ATP1A2: variants seen among roughly 807,000 people sequenced by gnomAD.
ATP1A2 encodes the protein sodium/potassium-transporting ATPase subunit alpha-2.
In ATP1A2, 56 loss-of-function variants were observed where a neutral mutation model predicts 113.1. The ratio of observed to expected loss-of-function variants is 0.49; its 90% CI spans 0.40 to 0.62. The LOEUF (loss-of-function observed/expected upper bound fraction) is 0.62. Among genes scored for constraint, ATP1A2 ranks in the 20% least tolerant of loss-of-function variants. The probability of loss-of-function intolerance (pLI) is 0.00; values close to 1 mark genes in which losing one functional copy is unlikely to be tolerated. For synonymous variants in ATP1A2, 490 were observed against 526.8 expected (o/e 0.93, Z 0.96); for missense variants, 712 against 1,357.8 (o/e 0.52, Z 7.47).
intron 13 of ATP1A2, 56 bp downstream of exon 13, chr1:160,130,653 G>C: frequency 1.9e-6 from 3 of 1,611,396 alleles, no homozygotes; most frequent in Non-Finnish European, 2.5e-6. Flanking sequence ...AGAGTTCAAG[G>C]AGCTGCAGTG....
chr1:160,137,418 T>A lies in ATP1A2; in HGVS notation c.2840+387T>A, dbSNP rs544213674. On this transcript the variant is annotated intron_variant, in intron 20 of 22. Coordinates refer to ENST00000361216, the MANE Select transcript of ATP1A2 (RefSeq NM_000702.4). ...TTGCACTGTGGTTCTGGAGGCCACG[T>A]GCTGCCGAGGGTCGGGTTCAGCGCT... 3.3e-5 allele frequency among the ~76,000 whole-genome samples: 5 copies of A among 152,298 alleles called. No homozygotes were observed. The South Asian group carries it at 1.0e-3, about 32-fold the overall frequency.
Position 160,141,512 on chromosome 1 carries a change from G to A in ATP1A2, c.*190G>A. On this transcript the variant is annotated 3_prime_UTR_variant, in exon 23 of 23. Coordinates refer to ENST00000361216, the MANE Select transcript of ATP1A2 (RefSeq NM_000702.4). ...GTGATGACCCCATAGACCTAACTGT[G>A]AACAATCAGATTAGACACTATGTGT... 1 of 694,858 alleles carries A rather than the reference G, an allele frequency of 1.4e-6. No individual in the cohort carries two copies. The highest frequency in any genetic ancestry group is 2.6e-6 in the Non-Finnish European group (1 of 386,980). 43.0% of individuals were successfully genotyped at this position (694,858 alleles called of 1,614,324 possible).
At position 160,142,925 on chromosome 1, in the gene ATP1A2, A is replaced by G. The variant is rs1652197761; in HGVS notation, c.*1603A>G. The G allele has an allele frequency of 6.6e-6, 1 of 152,216 alleles. No homozygotes were observed. Among genetic ancestry groups the G allele is most frequent in the Admixed American group, 6.5e-5 (1 of 15,278 alleles). 9.4% of individuals were successfully genotyped at this position (152,216 alleles called of 1,614,324 possible). On this transcript the variant is annotated 3_prime_UTR_variant, in exon 23 of 23. Coordinates refer to ENST00000361216, the MANE Select transcript of ATP1A2 (RefSeq NM_000702.4). ...TACCCTGGGCTGGAGAGTTGGTTTC[A>G]GGTTCCTACAGGAGATAGCTTTCTT...
chr1:160,134,948 T>C (rs1651887391), intron 14 of ATP1A2, among the ~76,000 whole-genome samples, 197 bp from the exon 15 acceptor site: 1 of 152,098 alleles, frequency 6.6e-6, no homozygotes, highest in Admixed American at 6.6e-5. Flanking sequence ...ACTGCGATGA[T>C]CCCATGGTGA....
At position 160,139,654 on chromosome 1, in the gene ATP1A2, T is replaced by C. The variant is rs2101998535; in HGVS notation, c.2855T>C (p.Ile952Thr). Reference protein sequence around the residue: ...FQQGMKNKILIFGLLEETALA... With the variant: ...FQQGMKNKILTFGLLEETALA... Reference sequence around the variant, plus strand: ...TTGCCTTTCAGGAACAAGATCCTGATTTTTGGGCTCCTGGAGGAGACGGCG... The same window carrying C: ...TTGCCTTTCAGGAACAAGATCCTGACTTTTGGGCTCCTGGAGGAGACGGCG... Residue 952 changes from isoleucine (I) to threonine (T), a missense_variant, in exon 21 of 23, where the codon ATT becomes ACT. By Grantham distance (89) the Ile-to-Thr change is moderately conservative. Around this residue, in one of 6 missense-constraint regions of ATP1A2, gnomAD observed 188 missense variants for 438.9 expected, o/e 0.43. Coordinates refer to ENST00000361216, the MANE Select transcript of ATP1A2 (RefSeq NM_000702.4). 1.2e-6 allele frequency: 2 copies of C among 1,614,018 alleles called. No individual in the cohort carries two copies. Among genetic ancestry groups the C allele is most frequent in the East Asian group, 2.2e-5 (1 of 44,878 alleles).
intron 13 of ATP1A2, among the ~76,000 whole-genome samples, chr1:160,131,026 A>G (rs1202372005): frequency 6.6e-6 from 1 of 152,078 alleles, no homozygotes. Flanking sequence ...CTCCCACTCA[A>G]GGTTCTCTTG....
chr1:160,121,041 G>A (rs1332912521), intron 2 of ATP1A2, 31 bp downstream of exon 2: 8 of 1,613,456 alleles, frequency 5.0e-6, no homozygotes, highest in Admixed American at 1.7e-5. Flanking sequence ...TGGAGGAGGG[G>A]CCCCATGCTG....
Position 160,123,305 on chromosome 1 carries a change from C to T in ATP1A2, c.270C>T (p.Phe90=), listed in dbSNP as rs1178851391. ...CCACAACCCCTGAGTGGGTCAAGTT[C>T]TGCCGTCAGCTTTTCGGGGGGTTCT... is the stretch of plus-strand genomic sequence containing the variant. ...PPPTTPEWVK[F]CRQLFGGFSI... is the part of the protein sequence containing the mutation. The change falls in exon 4 of 23, where the codon TTC becomes TTT. Residue 90 remains phenylalanine (F), a synonymous_variant. Transcript: ENST00000361216. 2 of 1,614,154 alleles carry T rather than the reference C, an allele frequency of 1.2e-6. No individual in the cohort carries two copies. Among genetic ancestry groups the T allele is most frequent in the African/African-American group, 2.7e-5 (2 of 74,954 alleles).
At chr1:160,137,064 C>G (rs1403169781) in intron 20 of ATP1A2, 33 bp downstream of exon 20, 1 of 1,613,704 alleles carries the variant, frequency 6.2e-7, no homozygotes, top group East Asian at 2.2e-5. Flanking sequence ...CCTACCCACC[C>G]AGGCTCTGGG....
In ATP1A2 at chr1:160,115,963, C is replaced by A; in HGVS notation, c.12+90C>A. On this transcript the variant is annotated intron_variant, in intron 1 of 22. Coordinates refer to ENST00000361216, the MANE Select transcript of ATP1A2 (RefSeq NM_000702.4). ...AAGTGGGAATGGGATGTGGAAGGAG[C>A]GGGAGAGAGGAGCTGAGTGGGATAC... 1.9e-6 allele frequency: 3 copies of A among 1,538,538 alleles called. No individual in the cohort carries two copies. In the South Asian group the frequency reaches 3.6e-5, roughly 18 times the overall value.
chr1:160,128,685 C>A lies in ATP1A2; in HGVS notation c.1051C>A (p.Arg351=). The A allele has an allele frequency of 1.2e-6, 2 of 1,614,144 alleles. No homozygotes were observed. The highest frequency in any genetic ancestry group is 1.7e-6 in the Non-Finnish European group (2 of 1,180,034). ...CLTLTAKRMA[R]KNCLVKNLEA... ...GACCCTGACAGCCAAGCGCATGGCA[C>A]GGAAGAACTGCCTGGTGAAGAACCT... Residue 351 remains arginine, a synonymous_variant, in exon 9 of 23, where the codon CGG becomes AGG. Transcript: ENST00000361216.
At position 160,127,692 on chromosome 1, in the gene ATP1A2, G is replaced by A. The variant is rs181618883; in HGVS notation, c.889G>A (p.Ala297Thr). 6.2e-7 allele frequency: 1 copy of A among 1,614,228 alleles called. No individual in the cohort carries two copies. Among genetic ancestry groups the A allele is most frequent in the African/African-American group, 1.3e-5 (1 of 75,062 alleles). ...CTTCATCCAGCTGATCACAGGGGTCGCTGTATTCCTGGGGGTCTCCTTCTT... is the reference window on the plus strand; with the variant it reads ...CTTCATCCAGCTGATCACAGGGGTCACTGTATTCCTGGGGGTCTCCTTCTT... ...EHFIQLITGVAVFLGVSFFVL... is the reference protein window; with the variant it reads ...EHFIQLITGVTVFLGVSFFVL... The change falls in exon 8 of 23, where the codon GCT becomes ACT. Residue 297 changes from alanine (A) to threonine (T), a missense_variant. Physicochemically the swap from Ala to Thr is moderately conservative, Grantham distance 58 (BLOSUM62 0). This residue lies in a region of ATP1A2 where 44 missense variants were observed against 153.1 expected (regional missense o/e 0.29). Transcript: ENST00000361216.
intron 13 of ATP1A2, among the ~76,000 whole-genome samples, chr1:160,134,256 CTACACACACA>C (rs1651864376): frequency 1.5e-5 from 2 of 135,366 alleles, no homozygotes; most frequent in African/African-American, 2.7e-5. Flanking sequence ...CACACACATC[CTACACACACA>C]TACACACACC....
chr1:160,118,734 G>C (rs888851295), intron 1 of ATP1A2, among the ~76,000 whole-genome samples: 1 of 152,010 alleles, frequency 6.6e-6, no homozygotes, highest in African/African-American at 2.4e-5. Context: ...TTGGTATCTT[G>C]GGAACAACAG....
At chr1:160,134,027 C>T (rs1651843906) in intron 13 of ATP1A2, among the ~76,000 whole-genome samples, 1 of 151,632 alleles carries the variant, frequency 6.6e-6, no homozygotes, top group Non-Finnish European at 1.5e-5. Context: ...CCCCACCTCA[C>T]ATACACACAC....
rs745501820 is a variant in ATP1A2 at position 160,123,176 on chromosome 1, C to T, written c.178-37C>T. ...GCATGGTGACTGGCTGGGTTGGCTC[C>T]GGATGCGTGCCCCTACGCCTCTCCT... On this transcript the variant is annotated intron_variant, in intron 3 of 22. Transcript: ENST00000361216. 44 of 1,611,578 alleles carry T rather than the reference C, an allele frequency of 2.7e-5. 1 individual carries two copies. The highest frequency in any genetic ancestry group is 8.8e-5 in the South Asian group (8 of 91,046).
chr1:160,130,168 C>A lies in ATP1A2; in HGVS notation c.1528C>A (p.Arg510Ser). The A allele has an allele frequency of 6.2e-7, 1 of 1,614,184 alleles. No individual in the cohort carries two copies. Among genetic ancestry groups the A allele is most frequent in the African/African-American group, 1.3e-5 (1 of 75,042 alleles). The change falls in exon 12 of 23, where the codon CGC becomes AGC. Residue 510 changes from arginine (R) to serine (S), a missense_variant. Coordinates refer to ENST00000361216, the MANE Select transcript of ATP1A2 (RefSeq NM_000702.4). The stretch of plus-strand genomic sequence containing the variant: ...GCTGGTGATGAAGGGGGCCCCAGAG[C>A]GCATTCTGGACCGGTGCTCCACCAT... Reference protein sequence around the residue: ...HVLVMKGAPERILDRCSTILV... With the variant: ...HVLVMKGAPESILDRCSTILV...
chr1:160,136,115 T>C, intron 17 of ATP1A2, 122 bp downstream of exon 17: 1 of 1,598,368 alleles, frequency 6.3e-7, no homozygotes, highest in Middle Eastern at 1.7e-4. Context: ...GGCACAGGCC[T>C]GGAAGACAAT....
rs769847812 is a variant in ATP1A2, at chr1:160,115,890, A to G, written c.12+17A>G. ...GGCCGTGGGGTGAGTATCCCTAAAG[A>G]GCAGGGGTCGCAGTCTAGAGGGTGA... On this transcript the variant is annotated intron_variant, in intron 1 of 22. Coordinates refer to ENST00000361216, the MANE Select transcript of ATP1A2 (RefSeq NM_000702.4). 7 of 1,601,482 alleles carry G rather than the reference A, an allele frequency of 4.4e-6. No individual in the cohort carries two copies. The highest frequency in any genetic ancestry group is 6.0e-6 in the Non-Finnish European group (7 of 1,174,412).
Sources: gnomAD v4.1 joint callset for allele counts (sites outside exome capture counted in the v4.1 genomes callset) on GRCh38, gnomAD v4.1.1 for gene constraint, gnomAD v4.1.1 regional missense constraint, MANE v1.5 for transcripts, NCBI Gene and HGNC (gene_info 2026-07-23, HGNC 2026-07-21) for gene names.